ZSWIM5: variants seen among roughly 807,000 people sequenced by gnomAD.
ZSWIM5 encodes the protein zinc finger SWIM-type containing 5.
ZSWIM5 carries 55 observed loss-of-function variants against 119.6 expected under a neutral mutation model. That is an observed-to-expected ratio of 0.46 (90% CI 0.37 to 0.58). The LOEUF is 0.58. Ranked by LOEUF, ZSWIM5 falls within the 20% of genes least tolerant of loss-of-function variation. The pLI, the probability that ZSWIM5 is intolerant of heterozygous loss-of-function variation, is 0.00. For missense variants in ZSWIM5, 1,193 were observed against 1,512.8 expected, an observed-to-expected ratio of 0.79 and a Z score of 3.51; for synonymous variants, 537 against 606.9, an observed-to-expected ratio of 0.88 and a Z score of 1.69.
chr1:45,044,746 A>AAAAAAAAAT (rs1557746354), intron 5 of ZSWIM5, among the ~76,000 whole-genome samples: 1 of 1,654 alleles, frequency 6.0e-4, no homozygotes. Context: ...AAAAAAAAAA[A>AAAAAAAAAT]ATATATATAT....
chr1:45,189,791 T>A (rs1241277081), intron 1 of ZSWIM5, among the ~76,000 whole-genome samples: 1 of 152,020 alleles, frequency 6.6e-6, no homozygotes, highest in African/African-American at 2.4e-5. Flanking sequence ...CCTACATAAT[T>A]ACCTGATTTT....
In ZSWIM5 at chr1:45,158,999, A is replaced by C. The variant is rs1037191053; in HGVS notation, c.595+46757T>G. ...TATATTAGGCTACCAGTTATCTCCT[A>C]TAGCCTAGTGGAAAATTTAAATGAC... On this transcript the variant is annotated intron_variant, in intron 1 of 13. Coordinates refer to ENST00000359600, the MANE Select transcript of ZSWIM5 (RefSeq NM_020883.2). Among the ~76,000 whole-genome samples the C allele has an allele frequency of 4.6e-5, 7 of 152,328 alleles. 1 individual carries two copies. The South Asian group carries it at 1.4e-3, about 32-fold the overall frequency.
chr1:45,116,738 G>T (rs970570217), intron 1 of ZSWIM5, among the ~76,000 whole-genome samples: 10 of 152,050 alleles, frequency 6.6e-5, no homozygotes, highest in African/African-American at 2.4e-4. Context: ...TACTGTCTAG[G>T]ACTTTTGTTT....
intron 1 of ZSWIM5, among the ~76,000 whole-genome samples, chr1:45,120,060 C>G (rs1428024004): frequency 6.6e-6 from 1 of 152,120 alleles, no homozygotes; most frequent in African/African-American, 2.4e-5. Flanking sequence ...AAAACCCATA[C>G]AAGCCAGGCG....
At chr1:45,118,161 A>T (rs1021332586) in intron 1 of ZSWIM5, among the ~76,000 whole-genome samples, 1 of 152,204 alleles carries the variant, frequency 6.6e-6, no homozygotes, top group African/African-American at 2.4e-5. Context: ...TATCCCTATC[A>T]TGATACTCAC....
intron 7 of ZSWIM5, among the ~76,000 whole-genome samples, chr1:45,039,727 G>A (rs1333444398): frequency 2.7e-5 from 4 of 149,730 alleles, no homozygotes; most frequent in East Asian, 2.0e-4. Context: ...ATTTTAAGAC[G>A]GAGCTCTGCT....
intron 5 of ZSWIM5, among the ~76,000 whole-genome samples, chr1:45,048,159 T>C (rs1356654954): frequency 6.7e-5 from 10 of 150,368 alleles, no homozygotes; most frequent in Admixed American, 2.7e-4. Context: ...CCGTGGCTCA[T>C]TGAAGCCTTG....
At chr1:45,129,466 A>T in intron 1 of ZSWIM5, among the ~76,000 whole-genome samples, 1 of 150,868 alleles carries the variant, frequency 6.6e-6, no homozygotes, top group South Asian at 2.1e-4. Flanking sequence ...CAGATCTTGC[A>T]TTTTTTTTTA....
chr1:45,038,954 C>T lies in ZSWIM5; in HGVS notation c.1876G>A (p.Gly626Ser). 6.2e-7 allele frequency: 1 copy of T among 1,613,816 alleles called. No homozygotes were observed. Among genetic ancestry groups the T allele is most frequent in the Non-Finnish European group, 8.5e-7 (1 of 1,179,998 alleles). The part of the protein sequence containing the change: ...LTEACRLNDD[G>S]YLEMSDMNES... ...CCTGTACCTGACATCTCCAGATAGC[C>T]ATCATCATTCAGGCGGCAGGCCTCA... The change falls in exon 8 of 14, where the codon GGC becomes AGC. Residue 626 changes from glycine to serine, a missense_variant. This residue lies in a region of ZSWIM5 where 961 missense variants were observed against 1,290.0 expected (regional missense o/e 0.74). Transcript: ENST00000359600.
chr1:45,110,415 T>C (rs745840456), intron 1 of ZSWIM5, among the ~76,000 whole-genome samples: 1 of 152,216 alleles, frequency 6.6e-6, no homozygotes, highest in Non-Finnish European at 1.5e-5. Flanking sequence ...AGAGTTCATC[T>C]ATAGTTCATG....
At chr1:45,069,851 G>A in intron 2 of ZSWIM5, 1 of 363,566 alleles carries the variant, frequency 2.8e-6, no homozygotes, top group Non-Finnish European at 5.1e-6. Context: ...TGTTTTTTCA[G>A]TACATATTTC....
chr1:45,072,185 A>C lies in ZSWIM5; in HGVS notation c.953-11938T>G, dbSNP rs1645226050. 6.6e-6 allele frequency among the ~76,000 whole-genome samples: 1 copy of C among 151,944 alleles called. No individual in the cohort carries two copies. The highest frequency in any genetic ancestry group is 1.5e-5 in the Non-Finnish European group (1 of 68,034). On this transcript the variant is annotated intron_variant, in intron 2 of 13. Coordinates refer to ENST00000359600, the MANE Select transcript of ZSWIM5 (RefSeq NM_020883.2). This position sits in a 1 kb window ranked among gnomAD's most constrained non-coding sequence, Gnocchi z 4.1. ...ATTTCTCTGATGACAAATGATATTGAGTACCTTTTCATATACTCATTTGCC... is the reference window on the plus strand; with the variant it reads ...ATTTCTCTGATGACAAATGATATTGCGTACCTTTTCATATACTCATTTGCC...
intron 1 of ZSWIM5, among the ~76,000 whole-genome samples, chr1:45,194,497 C>T (rs184209357): frequency 6.6e-6 from 1 of 152,204 alleles, no homozygotes; most frequent in African/African-American, 2.4e-5. Flanking sequence ...TTGTCATCTT[C>T]CTTCCTACTA....
intron 3 of ZSWIM5, among the ~76,000 whole-genome samples, chr1:45,059,314 T>A (rs1645140280): frequency 1.3e-5 from 2 of 152,194 alleles, no homozygotes; most frequent in South Asian, 4.1e-4. Flanking sequence ...CATTTATTGT[T>A]CAGACATAAA....
In ZSWIM5 at chr1:45,146,686, C is replaced by T. The variant is rs556869583; in HGVS notation, c.596-58449G>A. Among the ~76,000 whole-genome samples the T allele has an allele frequency of 4.8e-5, 7 of 146,206 alleles. No individual in the cohort carries two copies. In the East Asian group the frequency reaches 7.7e-4, roughly 16 times the overall value. On this transcript the variant is annotated intron_variant, in intron 1 of 13. Coordinates refer to ENST00000359600, the MANE Select transcript of ZSWIM5 (RefSeq NM_020883.2). Reference sequence around the variant, plus strand: ...AACTCCTGGCCTCAAGTGATCCACCCGCCTCAGCCTTCCAAAGTTGTTTCC... The same window carrying T: ...AACTCCTGGCCTCAAGTGATCCACCTGCCTCAGCCTTCCAAAGTTGTTTCC...
At chr1:45,096,998 C>T (rs1645407270) in intron 1 of ZSWIM5, among the ~76,000 whole-genome samples, 2 of 152,190 alleles carry the variant, frequency 1.3e-5, no homozygotes, top group South Asian at 2.1e-4. Flanking sequence ...AAAATGGCCT[C>T]ACAGGCTCCT....
chr1:45,134,667 A>G (rs1292846454), intron 1 of ZSWIM5, among the ~76,000 whole-genome samples: 1 of 152,192 alleles, frequency 6.6e-6, no homozygotes, highest in Non-Finnish European at 1.5e-5. Context: ...TTTTTGGTTT[A>G]GATTGGAAAA....
At chr1:45,176,153 A>T (rs898706781) in intron 1 of ZSWIM5, among the ~76,000 whole-genome samples, 9 of 148,724 alleles carry the variant, frequency 6.1e-5, no homozygotes, top group Admixed American at 4.1e-4. Context: ...TATAATATAT[A>T]TTATATATAT....
chr1:45,206,604 A>G lies in ZSWIM5; in HGVS notation c.-254T>C. The G allele has an allele frequency of 2.2e-6, 2 of 922,722 alleles. No homozygotes were observed. 57.2% of individuals were successfully genotyped at this position (922,722 alleles called of 1,614,324 possible). A position where few individuals can be genotyped will look rare whatever the true frequency, so the allele number is the denominator to read the frequency against. ...TGTCCTGGCCGCCGCGGACGCGAAG[A>G]CAGGCGGGAGCGAGCGCGGGCCCGC... On this transcript the variant is annotated 5_prime_UTR_variant, in exon 1 of 14. Coordinates refer to ENST00000359600, the MANE Select transcript of ZSWIM5 (RefSeq NM_020883.2).
Sources: allele counts gnomAD v4.1 joint callset (sites outside exome capture counted in the v4.1 genomes callset), GRCh38; gene constraint gnomAD v4.1.1; regional missense constraint gnomAD v4.1.1; non-coding constraint Gnocchi (gnomAD v3.1); transcripts MANE v1.5; gene names NCBI Gene and HGNC (gene_info 2026-07-23, HGNC 2026-07-21).